The following LRP1B variants were observed in gnomAD, a reference collection of about 807,000 sequenced individuals.
LRP1B encodes the protein low-density lipoprotein receptor-related protein 1B.
In LRP1B, 217 loss-of-function variants were observed where a neutral mutation model predicts 556.6. The ratio of observed to expected loss-of-function variants is 0.39; its 90% CI spans 0.35 to 0.44. The LOEUF (loss-of-function observed/expected upper bound fraction) is 0.44. Ranked by LOEUF, LRP1B falls within the 20% of genes least tolerant of loss-of-function variation. The pLI, the probability that LRP1B is intolerant of heterozygous loss-of-function variation, is 1.00. For missense variants in LRP1B, 5,053 were observed against 5,620.8 expected, an observed-to-expected ratio of 0.90 and a Z score of 3.23; for synonymous variants, 2,047 against 1,865.8, an observed-to-expected ratio of 1.10 and a Z score of -2.50.
At chr2:140,326,986 A>C in intron 79 of LRP1B, among the ~76,000 whole-genome samples, 1 of 152,168 alleles carries the variant, frequency 6.6e-6, no homozygotes, top group Non-Finnish European at 1.5e-5. Context: ...TCAATATGGA[A>C]GAGTAATATG....
At chr2:141,077,092 T>G (rs2104873081) in intron 7 of LRP1B, among the ~76,000 whole-genome samples, 1 of 152,062 alleles carries the variant, frequency 6.6e-6, no homozygotes, top group East Asian at 2.0e-4. Flanking sequence ...TAAAAATATT[T>G]TAAAAATTAG....
At chr2:141,889,323 C>T (rs917551684) in intron 1 of LRP1B, among the ~76,000 whole-genome samples, 15 of 152,124 alleles carry the variant, frequency 9.9e-5, no homozygotes, top group Non-Finnish European at 2.1e-4. Flanking sequence ...AATGCTGTTT[C>T]TAAACTCAGT....
At chr2:140,953,057 T>C (rs1204779578) in intron 18 of LRP1B, among the ~76,000 whole-genome samples, 2 of 152,156 alleles carry the variant, frequency 1.3e-5, no homozygotes, top group Non-Finnish European at 2.9e-5. Context: ...ACTGATATAC[T>C]GAAATAGACC....
At chr2:141,832,961 T>G (rs533449578) in intron 1 of LRP1B, among the ~76,000 whole-genome samples, 1 of 151,932 alleles carries the variant, frequency 6.6e-6, no homozygotes, top group East Asian at 1.9e-4. Flanking sequence ...TTCTACATAT[T>G]TTATTTTTGT....
intron 1 of LRP1B, among the ~76,000 whole-genome samples, chr2:142,068,206 T>G (rs2104905770): frequency 6.6e-6 from 1 of 151,686 alleles, no homozygotes; most frequent in South Asian, 2.1e-4. Flanking sequence ...TAAAATCTGG[T>G]TTTACTTTAA....
intron 43 of LRP1B, among the ~76,000 whole-genome samples, chr2:140,549,054 T>C (rs544390794): frequency 6.6e-6 from 1 of 152,278 alleles, no homozygotes; most frequent in Admixed American, 6.5e-5. Context: ...CTAATTACCC[T>C]CCCATATGAG....
intron 1 of LRP1B, among the ~76,000 whole-genome samples, chr2:141,914,651 A>G (rs1359606024): frequency 6.6e-6 from 1 of 152,238 alleles, no homozygotes; most frequent in Admixed American, 6.5e-5. Flanking sequence ...TGACTTCAGT[A>G]AAGTTTCAGG....
chr2:141,824,629 A>C (rs1171896797), intron 1 of LRP1B, among the ~76,000 whole-genome samples: 1 of 152,268 alleles, frequency 6.6e-6, no homozygotes, highest in Non-Finnish European at 1.5e-5. Flanking sequence ...CTGGGATTAC[A>C]GGCGTGAGCC....
At chr2:140,571,639 A>G (rs1210315879) in intron 43 of LRP1B, among the ~76,000 whole-genome samples, 8 of 151,652 alleles carry the variant, frequency 5.3e-5, no homozygotes, top group African/African-American at 1.9e-4. Flanking sequence ...ATTTTTTTAC[A>G]GAAATAGAAA....
intron 3 of LRP1B, among the ~76,000 whole-genome samples, chr2:141,416,718 G>A (rs1217514042): frequency 6.6e-6 from 1 of 152,080 alleles, no homozygotes; most frequent in African/African-American, 2.4e-5. Context: ...GCCTCCCAAA[G>A]TAGACAGCTA....
chr2:142,035,472 T>C (rs930729327), intron 1 of LRP1B, among the ~76,000 whole-genome samples: 2 of 151,620 alleles, frequency 1.3e-5, no homozygotes, highest in African/African-American at 2.4e-5. Context: ...GTATTTTTTT[T>C]TTTAATATTC....
intron 1 of LRP1B, among the ~76,000 whole-genome samples, chr2:142,010,600 T>C (rs998943280): frequency 4.2e-5 from 6 of 144,084 alleles, no homozygotes; most frequent in South Asian, 2.3e-4. Context: ...ATGCCTTACC[T>C]CTTTCTTTGC....
chr2:140,985,825 G>A (rs925865997), intron 17 of LRP1B, among the ~76,000 whole-genome samples: 1 of 151,188 alleles, frequency 6.6e-6, no homozygotes, highest in Non-Finnish European at 1.5e-5. Flanking sequence ...CTGTTATATA[G>A]CTATATCAAA....
At chr2:140,749,335 C>T (rs1417335233) in intron 35 of LRP1B, among the ~76,000 whole-genome samples, 1 of 151,386 alleles carries the variant, frequency 6.6e-6, no homozygotes, top group African/African-American at 2.4e-5. Context: ...ACAAATTAAC[C>T]TTAGCTTGCT....
chr2:141,188,477 G>A lies in LRP1B; in HGVS notation c.957C>T (p.Thr319=). Residue 319 remains threonine (T), a synonymous_variant, in exon 7 of 91, where the codon ACC becomes ACT. Transcript: ENST00000389484. ...VCNSNGSVCV[T]LIDLELHNPK... ...GATTGTGAAGCTCCAGATCAATCAG[G>A]GTGACACATACAGAACCGTTGGAAT... is the stretch of plus-strand genomic sequence containing the variant. 6.2e-7 allele frequency: 1 copy of A among 1,612,548 alleles called. No individual in the cohort carries two copies. The highest frequency in any genetic ancestry group is 1.3e-5 in the African/African-American group (1 of 74,876).
Position 140,884,161 on chromosome 2 carries a change from T to C in LRP1B, c.3965-140A>G, listed in dbSNP as rs1693561804. The C allele has an allele frequency of 5.5e-6, 4 of 727,846 alleles. No individual in the cohort carries two copies. The Admixed American group carries it at 1.1e-4, about 21-fold the overall frequency. 45.1% of individuals were successfully genotyped at this position (727,846 alleles called of 1,614,324 possible). Reference sequence around the variant, plus strand: ...TTTGAGAGATTGCAAAAGTGCTACCTAGCACAGGTAAAACCAAGTAGACTC... The same window carrying C: ...TTTGAGAGATTGCAAAAGTGCTACCCAGCACAGGTAAAACCAAGTAGACTC... On this transcript the variant is annotated intron_variant, in intron 24 of 90. Transcript: ENST00000389484.
Position 140,509,959 on chromosome 2 carries a change from A to G in LRP1B, c.8367T>C (p.Asp2789=), listed in dbSNP as rs749711804. The G allele has an allele frequency of 1.2e-6, 2 of 1,614,032 alleles. No homozygotes were observed. The highest frequency in any genetic ancestry group is 1.7e-6 in the Non-Finnish European group (2 of 1,180,020). ...CTGCTGTGGAAAGCTCATCGCTTCCATCTGGACAGTCCCTTTCACCATCAC... is the reference window on the plus strand; with the variant it reads ...CTGCTGTGGAAAGCTCATCGCTTCCGTCTGGACAGTCCCTTTCACCATCAC... The part of the protein sequence containing the change: ...WLCDGERDCP[D]GSDELSTAGC... Residue 2789 remains aspartate, a synonymous_variant, in exon 52 of 91, where the codon GAT becomes GAC. Coordinates refer to ENST00000389484, the MANE Select transcript of LRP1B (RefSeq NM_018557.3).
chr2:141,002,587 G>A (rs1471541054), intron 15 of LRP1B, among the ~76,000 whole-genome samples: 1 of 151,830 alleles, frequency 6.6e-6, no homozygotes, highest in Non-Finnish European at 1.5e-5. Context: ...CTAATACAAG[G>A]CAAATACTAT....
chr2:141,554,847 T>C (rs1190128724), intron 2 of LRP1B, among the ~76,000 whole-genome samples: 1 of 151,934 alleles, frequency 6.6e-6, no homozygotes, highest in African/African-American at 2.4e-5. Context: ...ACTGTGCTTG[T>C]TAGGAATGCA....
Sources: gnomAD v4.1 joint callset for allele counts (sites outside exome capture counted in the v4.1 genomes callset) on GRCh38, gnomAD v4.1.1 for gene constraint, MANE v1.5 for transcripts, NCBI Gene and HGNC (gene_info 2026-07-23, HGNC 2026-07-21) for gene names.